MYO1F: variants seen among roughly 807,000 people sequenced by gnomAD.
MYO1F encodes the protein unconventional myosin-If.
In MYO1F, 60 loss-of-function variants were observed where a neutral mutation model predicts 146.6. The observed-to-expected ratio is 0.41, with a 90% CI of 0.33 to 0.51. MYO1F has a LOEUF of 0.51. MYO1F is among the 20% of genes least tolerant of loss of function. The pLI, the probability that MYO1F is intolerant of heterozygous loss-of-function variation, is 0.25. For missense variants in MYO1F, 1,274 were observed against 1,534.3 expected, an observed-to-expected ratio of 0.83 and a Z score of 2.83; for synonymous variants, 602 against 602.1, an observed-to-expected ratio of 1.00 and a Z score of 0.00.
intron 1 of MYO1F, among the ~76,000 whole-genome samples, chr19:8,574,004 G>T (rs1405771191): frequency 1.3e-5 from 2 of 152,002 alleles, no homozygotes; most frequent in African/African-American, 4.8e-5. Context: ...CATCTTACCA[G>T]AAACCAACAA....
At position 8,536,903 on chromosome 19, in the gene MYO1F, G is replaced by A. The variant is rs772170496; in HGVS notation, c.1799+46C>T. 31 of 1,268,240 alleles carry A rather than the reference G, an allele frequency of 2.4e-5. No homozygotes were observed. The East Asian group carries it at 1.1e-3, about 43-fold the overall frequency. The allele number at this position is 1,268,240 out of a possible 1,614,324, so 78.6% of individuals were successfully genotyped here. A position where few individuals can be genotyped will look rare whatever the true frequency, so the allele number is the denominator to read the frequency against. ...GTCTCGGTCAGTTCTAGGGGTAACTGCAGGGCCTGGGGGGAATGAATCTTG... is the reference window on the plus strand; with the variant it reads ...GTCTCGGTCAGTTCTAGGGGTAACTACAGGGCCTGGGGGGAATGAATCTTG... On this transcript the variant is annotated intron_variant, in intron 17 of 27. Transcript: ENST00000644032.
intron 1 of MYO1F, among the ~76,000 whole-genome samples, chr19:8,561,778 G>A (rs745879013): frequency 3.4e-4 from 50 of 149,080 alleles, no homozygotes; most frequent in African/African-American, 7.9e-4. Context: ...GTGTAGTGGC[G>A]CGATCTTGGC....
intron 19 of MYO1F, among the ~76,000 whole-genome samples, chr19:8,532,409 G>A (rs894325096): frequency 1.3e-5 from 2 of 152,108 alleles, no homozygotes; most frequent in Admixed American, 1.3e-4. Flanking sequence ...ATAACAGCAG[G>A]TGAACAAGGT....
rs745641070 is a variant in MYO1F, at chr19:8,525,533, T to G, written c.2800A>C (p.Lys934Gln). The change falls in exon 25 of 28, where the codon AAA becomes CAA. Residue 934 changes from lysine (K) to glutamine (Q), a missense_variant. Lys to Gln is a moderately conservative substitution (Grantham distance 53, BLOSUM62 1). This residue lies in a region of MYO1F where 374 missense variants were observed against 379.2 expected (regional missense o/e 0.99). Coordinates refer to ENST00000644032, the MANE Select transcript of MYO1F (RefSeq NM_012335.4). ...KPTRKGMAKG[K>Q]PRRSSQAPTR... ...GGGGCTTGGGACGACCTCCGAGGTT[T>G]TCCCTTGGCCATTCCCTTCCGCGTA... 95 of 1,613,616 alleles carry G rather than the reference T, an allele frequency of 5.9e-5. 1 individual carries two copies. In the Middle Eastern group the frequency reaches 3.6e-3, roughly 62 times the overall value.
At chr19:8,542,399 G>A (rs1204732485) in intron 14 of MYO1F, among the ~76,000 whole-genome samples, 1 of 150,634 alleles carries the variant, frequency 6.6e-6, no homozygotes, top group Non-Finnish European at 1.5e-5. Context: ...GGATATCTGT[G>A]ACCTGGTCAA....
intron 1 of MYO1F, among the ~76,000 whole-genome samples, chr19:8,556,478 T>TA (rs1241137845): frequency 8.4e-6 from 1 of 118,894 alleles, no homozygotes; most frequent in Non-Finnish European, 1.6e-5. Context: ...CCCGTCTCTA[T>TA]AAAAAAAGAA....
rs60369992 is a variant in MYO1F, at chr19:8,559,952, G to GAA, written c.4-4158_4-4157dup. 7.5e-3 allele frequency among the ~76,000 whole-genome samples: 810 copies of GAA among 108,436 alleles called. 17 individuals are homozygous for GAA. The highest frequency in any genetic ancestry group is 0.022 in the South Asian group (67 of 3,084). 71.1% of individuals were successfully genotyped at this position (108,436 alleles called of 152,430 possible). ...GCAACAAGAGCAAAACTCCATCTCA[G>GAA]AAAAAAAAAAAAAAAAAAAGTAAAG... is the stretch of plus-strand genomic sequence containing the variant. On this transcript the variant is annotated intron_variant, in intron 1 of 27. Coordinates refer to ENST00000644032, the MANE Select transcript of MYO1F (RefSeq NM_012335.4).
At position 8,526,458 on chromosome 19, in the gene MYO1F, C is replaced by T. The variant is rs764689325; in HGVS notation, c.2765G>A (p.Ser922Asn). Residue 922 changes from serine (S) to asparagine (N), a missense_variant, in exon 24 of 28, where the codon AGC becomes AAC. By Grantham distance (46) the Ser-to-Asn change is conservative. Around this residue, in one of 2 missense-constraint regions of MYO1F, gnomAD observed 374 missense variants for 379.2 expected, o/e 0.99. Coordinates refer to ENST00000644032, the MANE Select transcript of MYO1F (RefSeq NM_012335.4). ...CTAGTTCCGCGCAGACTCACTGGAG[C>T]TCTTGGGCAGCCCATCGCCCACGCT... is the stretch of plus-strand genomic sequence containing the variant. ...TVSVGDGLPK[S>N]SKPTRKGMAK... 2 of 1,556,510 alleles carry T rather than the reference C, an allele frequency of 1.3e-6. No individual in the cohort carries two copies. The highest frequency in any genetic ancestry group is 2.7e-5 in the African/African-American group (2 of 73,786).
chr19:8,574,665 TTC>T (rs797031593), intron 1 of MYO1F, among the ~76,000 whole-genome samples: 17 of 141,598 alleles, frequency 1.2e-4, no homozygotes, highest in Admixed American at 2.3e-4. Flanking sequence ...TCTTTCTTCT[TTC>T]TCTCTTTCTT....
At chr19:8,544,921 A>G (rs185277730) in intron 13 of MYO1F, among the ~76,000 whole-genome samples, 142 of 151,726 alleles carry the variant, frequency 9.4e-4, no homozygotes, top group African/African-American at 3.0e-3. Flanking sequence ...GATTACAGGC[A>G]TGCCGCCACC....
chr19:8,563,655 C>T (rs773743721), intron 1 of MYO1F, among the ~76,000 whole-genome samples: 1 of 151,592 alleles, frequency 6.6e-6, no homozygotes, highest in Admixed American at 6.6e-5. Context: ...GTTACAGGAG[C>T]CCATCAACAC....
At chr19:8,570,630 G>T (rs1338413105) in intron 1 of MYO1F, among the ~76,000 whole-genome samples, 1 of 151,422 alleles carries the variant, frequency 6.6e-6, no homozygotes, top group African/African-American at 2.4e-5. Context: ...ACCTCCCAAA[G>T]TGCTGGAATG....
chr19:8,554,575 G>A lies in MYO1F; in HGVS notation c.232-4C>T, dbSNP rs368566087. 11 of 1,612,502 alleles carry A rather than the reference G, an allele frequency of 6.8e-6. No homozygotes were observed. The Admixed American group carries it at 8.3e-5, about 12-fold the overall frequency. ...GCGGGGGATTCTCATACTGGGCCTG[G>A]CAGGGGAGGTCAGGTCTCAGCCCAG... is the stretch of plus-strand genomic sequence containing the variant. On this transcript the variant is annotated splice_region_variant and splice_polypyrimidine_tract_variant and intron_variant, in intron 3 of 27. Transcript: ENST00000644032.
At chr19:8,528,096 C>T (rs577781244) in intron 21 of MYO1F, among the ~76,000 whole-genome samples, 159 of 152,188 alleles carry the variant, frequency 1.0e-3, no homozygotes, top group African/African-American at 3.6e-3. Flanking sequence ...GTGGTGGGCA[C>T]CTGTAGTCCC....
At chr19:8,562,648 C>T (rs920919366) in intron 1 of MYO1F, among the ~76,000 whole-genome samples, 3 of 151,354 alleles carry the variant, frequency 2.0e-5, no homozygotes, top group Non-Finnish European at 4.4e-5. Context: ...GATCCTCCCA[C>T]CCCAGCCTCC....
At chr19:8,556,906 AAAAAGG>A (rs1216460057) in intron 1 of MYO1F, among the ~76,000 whole-genome samples, 3 of 151,548 alleles carry the variant, frequency 2.0e-5, no homozygotes, top group African/African-American at 7.3e-5. Context: ...AAAAAAAAAA[AAAAAGG>A]AAGCCAATCT....
intron 1 of MYO1F, among the ~76,000 whole-genome samples, chr19:8,556,958 A>T (rs1285103925): frequency 1.3e-5 from 2 of 151,234 alleles, no homozygotes; most frequent in Admixed American, 1.3e-4. Flanking sequence ...CAACTATAGG[A>T]TATTCTGGAA....
At chr19:8,574,179 C>G (rs1429173684) in intron 1 of MYO1F, among the ~76,000 whole-genome samples, 1 of 152,140 alleles carries the variant, frequency 6.6e-6, no homozygotes, top group Non-Finnish European at 1.5e-5. Flanking sequence ...GCCACCACCA[C>G]CAGCCCACCT....
intron 14 of MYO1F, 38 bp from the exon 15 acceptor site, chr19:8,542,029 A>G (rs2145874340): frequency 6.4e-7 from 1 of 1,574,130 alleles, no homozygotes; most frequent in Admixed American, 1.7e-5. Flanking sequence ...AGGGACTGAG[A>G]AACCTGGCTG....
Sources: gnomAD v4.1 joint callset for allele counts (sites outside exome capture counted in the v4.1 genomes callset) on GRCh38, gnomAD v4.1.1 for gene constraint, gnomAD v4.1.1 regional missense constraint, MANE v1.5 for transcripts, NCBI Gene and HGNC (gene_info 2026-07-23, HGNC 2026-07-21) for gene names.